The following PCSK2 variants were observed in gnomAD, a reference collection of about 807,000 sequenced individuals.
PCSK2 encodes neuroendocrine convertase 2.
In PCSK2, 14 loss-of-function variants were observed where a neutral mutation model predicts 69.7. The observed-to-expected ratio is 0.20, with a 90% confidence interval of 0.13 to 0.31. The LOEUF (loss-of-function observed/expected upper bound fraction) is 0.31, where lower values mean the gene tolerates loss of function less well. Among genes scored for constraint, PCSK2 ranks in the 10% least tolerant of loss-of-function variants. PCSK2 has a pLI of 1.00. For synonymous variants in PCSK2, 307 were observed against 320.7 expected, an observed-to-expected ratio of 0.96 and a Z score of 0.46; for missense variants, 544 against 842.5, an observed-to-expected ratio of 0.65 and a Z score of 4.39.
At chr20:17,430,805 G>A (rs530090009) in intron 7 of PCSK2, among the ~76,000 whole-genome samples, 1 of 152,282 alleles carries the variant, frequency 6.6e-6, no homozygotes, top group East Asian at 1.9e-4. Context: ...GGAAGCAACT[G>A]AAAAATTCAA....
intron 8 of PCSK2, among the ~76,000 whole-genome samples, chr20:17,452,705 G>A (rs1053298241): frequency 3.3e-5 from 5 of 152,230 alleles, no homozygotes; most frequent in Non-Finnish European, 7.3e-5. Flanking sequence ...GCACTGCATG[G>A]CTGCACTCCT....
chr20:17,229,438 G>C lies in PCSK2; in HGVS notation c.177+1956G>C, dbSNP rs1378630906. 2.7e-5 allele frequency among the ~76,000 whole-genome samples: 4 copies of C among 148,944 alleles called. No individual in the cohort carries two copies. In the East Asian group the frequency reaches 8.2e-4, roughly 31 times the overall value. The stretch of plus-strand genomic sequence containing the variant: ...TCCCCCACACCTTTTCATGGGTGCG[G>C]GGGAGTGGGAGGGAGCCATAGGTTT... On this transcript the variant is annotated intron_variant, in intron 1 of 11. Coordinates refer to ENST00000262545, the MANE Select transcript of PCSK2 (RefSeq NM_002594.5).
At chr20:17,475,031 A>G (rs1035702895) in intron 11 of PCSK2, among the ~76,000 whole-genome samples, 2 of 151,914 alleles carry the variant, frequency 1.3e-5, no homozygotes, top group Non-Finnish European at 2.9e-5. Context: ...GGGTTTGAGT[A>G]CATGTGCTTT....
chr20:17,433,886 TCCC>T (rs201181036), intron 7 of PCSK2, among the ~76,000 whole-genome samples: 16 of 74,668 alleles, frequency 2.1e-4, no homozygotes, highest in Admixed American at 4.9e-4. Context: ...CCCCTCCTCC[TCCC>T]CCCCCCTTCC....
intron 2 of PCSK2, among the ~76,000 whole-genome samples, chr20:17,288,615 C>G (rs1188553004): frequency 1.3e-5 from 2 of 152,160 alleles, no homozygotes; most frequent in Non-Finnish European, 1.5e-5. Flanking sequence ...CAAATGAAGT[C>G]ACTAGGGTGA....
chr20:17,384,254 A>G (rs1268329396), intron 5 of PCSK2, among the ~76,000 whole-genome samples: 1 of 152,090 alleles, frequency 6.6e-6, no homozygotes. Flanking sequence ...GAGGAAAAGC[A>G]CTTAAATCTG....
intron 10 of PCSK2, chr20:17,465,098 A>G (rs1401557651): frequency 1.8e-6 from 1 of 567,418 alleles, no homozygotes; most frequent in Non-Finnish European, 3.2e-6. Flanking sequence ...AGACTTTTGA[A>G]ATCAATTTAT....
At chr20:17,330,139 C>A (rs541688687) in intron 2 of PCSK2, among the ~76,000 whole-genome samples, 1 of 152,278 alleles carries the variant, frequency 6.6e-6, no homozygotes, top group South Asian at 2.1e-4. Context: ...TGTACTAAGT[C>A]TTCAAACACC....
chr20:17,335,182 G>A (rs1044839225), intron 2 of PCSK2, among the ~76,000 whole-genome samples: 4 of 118,744 alleles, frequency 3.4e-5, no homozygotes, highest in African/African-American at 1.1e-4. Context: ...CAGTCAGACG[G>A]CAGCGGAGAT....
At chr20:17,356,837 C>T (rs987199210) in intron 2 of PCSK2, among the ~76,000 whole-genome samples, 7 of 152,198 alleles carry the variant, frequency 4.6e-5, no homozygotes, top group Middle Eastern at 3.4e-3. Flanking sequence ...TTGGTCCTTG[C>T]TTCACCTTCC....
intron 2 of PCSK2, among the ~76,000 whole-genome samples, chr20:17,355,355 A>G (rs2030157452): frequency 6.6e-6 from 1 of 152,142 alleles, no homozygotes; most frequent in African/African-American, 2.4e-5. Context: ...CCTCTCAGGG[A>G]AGTTATTTAC....
At chr20:17,252,217 A>T (rs1008794707) in intron 1 of PCSK2, among the ~76,000 whole-genome samples, 3 of 151,958 alleles carry the variant, frequency 2.0e-5, no homozygotes, top group Non-Finnish European at 4.4e-5. Context: ...GGGAGTGTTT[A>T]AAAAAAAGCT....
Position 17,273,433 on chromosome 20 carries a change from G to A in PCSK2, c.282+13089G>A, listed in dbSNP as rs186016991. Among the ~76,000 whole-genome samples, 605 of 152,182 alleles carry A rather than the reference G, an allele frequency of 4.0e-3. 2 individuals are homozygous for A. The highest frequency in any genetic ancestry group is 8.0e-3 in the Admixed American group (123 of 15,286). Reference sequence around the variant, plus strand: ...AATTACAATGAAAGTGCAAATGTCTGCCAATACATGCCTAAGACTTCAAAG... The same window carrying A: ...AATTACAATGAAAGTGCAAATGTCTACCAATACATGCCTAAGACTTCAAAG... On this transcript the variant is annotated intron_variant, in intron 2 of 11. Transcript: ENST00000262545.
chr20:17,400,478 A>C (rs2031608753), intron 5 of PCSK2, among the ~76,000 whole-genome samples: 1 of 152,136 alleles, frequency 6.6e-6, no homozygotes, highest in South Asian at 2.1e-4. Flanking sequence ...CCACATAAGG[A>C]CATCATAAGG....
At chr20:17,336,504 C>T (rs1990355578) in intron 2 of PCSK2, among the ~76,000 whole-genome samples, 1 of 152,282 alleles carries the variant, frequency 6.6e-6, no homozygotes, top group South Asian at 2.1e-4. Context: ...TTCTTTTCTA[C>T]CTTTTTGAAA....
At chr20:17,353,198 C>G (rs920455507) in intron 2 of PCSK2, among the ~76,000 whole-genome samples, 1 of 152,056 alleles carries the variant, frequency 6.6e-6, no homozygotes, top group South Asian at 2.1e-4. Flanking sequence ...TGCGGTGGCT[C>G]ATGCCTGTAA....
chr20:17,438,016 C>T (rs759816928), intron 8 of PCSK2, among the ~76,000 whole-genome samples: 5 of 149,534 alleles, frequency 3.3e-5, no homozygotes, highest in Non-Finnish European at 5.9e-5. Flanking sequence ...TCCCAGAGGA[C>T]TCTCTGTAAT....
chr20:17,302,337 A>G (rs1989114087), intron 2 of PCSK2, among the ~76,000 whole-genome samples: 1 of 152,174 alleles, frequency 6.6e-6, no homozygotes, highest in South Asian at 2.1e-4. Context: ...CAATTTAAAC[A>G]TGCTGGTAAA....
At chr20:17,392,525 T>G (rs2123274405) in intron 5 of PCSK2, among the ~76,000 whole-genome samples, 1 of 152,224 alleles carries the variant, frequency 6.6e-6, no homozygotes, top group East Asian at 1.9e-4. Flanking sequence ...CCATGAGTTT[T>G]GACAAAAGTT....
Sources: gnomAD v4.1 joint callset for allele counts (sites outside exome capture counted in the v4.1 genomes callset) on GRCh38, gnomAD v4.1.1 for gene constraint, MANE v1.5 for transcripts, NCBI Gene and HGNC (gene_info 2026-07-23, HGNC 2026-07-21) for gene names.